Variants in SLC35F3 observed in about 807,000 individuals in gnomAD.
SLC35F3 encodes solute carrier family 35 member F3, also known as putative thiamine transporter SLC35F3.
A neutral mutation model predicts 49.9 loss-of-function variants in SLC35F3; 25 were observed. The observed-to-expected ratio is 0.50, with a 90% CI of 0.37 to 0.70. The LOEUF is 0.70. Ranked by LOEUF, SLC35F3 falls within the 30% of genes least tolerant of loss-of-function variation. The pLI is 0.00. For synonymous variants in SLC35F3, 275 were observed against 265.4 expected (o/e 1.04, Z -0.35); for missense variants, 525 against 639.8 (o/e 0.82, Z 1.94).
rs1320683669 is a variant in SLC35F3, at chr1:234,323,860, C to T, written c.*617C>T. 6.5e-6 allele frequency: 1 copy of T among 153,962 alleles called. No individual in the cohort carries two copies. The highest frequency in any genetic ancestry group is 1.4e-5 in the Non-Finnish European group (1 of 69,322). 9.5% of individuals were successfully genotyped at this position (153,962 alleles called of 1,614,324 possible). ...CCAGGAAGGACAAGATAAGTCCAAG[C>T]CCCGGCTGGCCTGCTCTCACGTGTC... On this transcript the variant is annotated 3_prime_UTR_variant, in exon 8 of 8. Coordinates refer to ENST00000366618, the MANE Select transcript of SLC35F3 (RefSeq NM_173508.4). This position sits in a 1 kb window ranked among gnomAD's most constrained non-coding sequence, Gnocchi z 4.5.
intron 2 of SLC35F3, among the ~76,000 whole-genome samples, chr1:234,084,580 G>T (rs558724830): frequency 6.6e-6 from 1 of 152,266 alleles, no homozygotes; most frequent in South Asian, 2.1e-4. Flanking sequence ...AAATGTTAGA[G>T]AATATTTAAG....
chr1:234,037,608 G>A (rs1664162695), intron 2 of SLC35F3, among the ~76,000 whole-genome samples: 1 of 152,254 alleles, frequency 6.6e-6, no homozygotes, highest in African/African-American at 2.4e-5. Flanking sequence ...ATGGATAATA[G>A]AACGTCAGGT....
intron 2 of SLC35F3, among the ~76,000 whole-genome samples, chr1:234,111,093 C>T (rs976732420): frequency 1.3e-5 from 2 of 151,874 alleles, no homozygotes; most frequent in African/African-American, 4.8e-5. Context: ...ATAAGGTAAA[C>T]ATTTGTTTTA....
chr1:234,240,736 A>T (rs1037634527), intron 3 of SLC35F3, among the ~76,000 whole-genome samples: 3 of 152,260 alleles, frequency 2.0e-5, no homozygotes, highest in Non-Finnish European at 4.4e-5. Context: ...ACCCCAGGTA[A>T]CTGAGTCTTC....
chr1:234,244,288 C>A (rs1667597900), intron 3 of SLC35F3, among the ~76,000 whole-genome samples: 1 of 152,110 alleles, frequency 6.6e-6, no homozygotes, highest in Non-Finnish European at 1.5e-5. Context: ...TCTTTGAACA[C>A]CACAAGGACA....
intron 2 of SLC35F3, among the ~76,000 whole-genome samples, chr1:234,050,821 G>A (rs1664365821): frequency 6.6e-6 from 1 of 152,196 alleles, no homozygotes; most frequent in Admixed American, 6.5e-5. Flanking sequence ...TGGATAAGGT[G>A]TAAGGAAGGA....
chr1:234,087,077 G>C (rs560776253), intron 2 of SLC35F3, among the ~76,000 whole-genome samples: 1 of 152,338 alleles, frequency 6.6e-6, no homozygotes, highest in East Asian at 1.9e-4. Context: ...GCTTGGCAAA[G>C]ATGTGGATAA....
chr1:234,011,957 C>A (rs151269437), intron 2 of SLC35F3, among the ~76,000 whole-genome samples: 1 of 152,064 alleles, frequency 6.6e-6, no homozygotes, highest in Admixed American at 6.5e-5. Context: ...AGGACCTGCA[C>A]GGGCACCGGT....
At chr1:234,022,649 T>C (rs1333418967) in intron 2 of SLC35F3, among the ~76,000 whole-genome samples, 1 of 152,156 alleles carries the variant, frequency 6.6e-6, no homozygotes, top group African/African-American at 2.4e-5. Flanking sequence ...CAAGTGTTCA[T>C]GTAGGTTCAA....
chr1:233,928,324 C>G lies in SLC35F3; in HGVS notation c.283+22566C>G, dbSNP rs577764064. ...TTTTAGAAGAAATGTGAGCACATCACTGAGTGAGTGAGTCACTGTCTCTCC... is the reference window on the plus strand; with the variant it reads ...TTTTAGAAGAAATGTGAGCACATCAGTGAGTGAGTGAGTCACTGTCTCTCC... On this transcript the variant is annotated intron_variant, in intron 2 of 7. Coordinates refer to ENST00000366618, the MANE Select transcript of SLC35F3 (RefSeq NM_173508.4). Among the ~76,000 whole-genome samples, 6 of 152,276 alleles carry G rather than the reference C, an allele frequency of 3.9e-5. No individual in the cohort carries two copies. In the South Asian group the frequency reaches 1.2e-3, roughly 32 times the overall value.
At chr1:234,312,300 G>A (rs767011626) in intron 4 of SLC35F3, among the ~76,000 whole-genome samples, 6 of 152,144 alleles carry the variant, frequency 3.9e-5, no homozygotes, top group Admixed American at 6.5e-5. Context: ...CAGGAGGGAC[G>A]GGGGAAGGAG....
At position 234,269,539 on chromosome 1, in the gene SLC35F3, A is replaced by G. The variant is rs75613862; in HGVS notation, c.608+37798A>G. On this transcript the variant is annotated intron_variant, in intron 3 of 7. Coordinates refer to ENST00000366618, the MANE Select transcript of SLC35F3 (RefSeq NM_173508.4). ...GGCATGCATGCTGCCCTCCCTTTAC[A>G]TTCCCAAAACTGGCACCCCTTGGTG... is the stretch of plus-strand genomic sequence containing the variant. Among the ~76,000 whole-genome samples, 406 of 150,638 alleles carry G rather than the reference A, an allele frequency of 2.7e-3. 13 individuals are homozygous for G. The East Asian group carries it at 0.064, about 24-fold the overall frequency.
chr1:233,909,782 G>A (rs1252436102), intron 2 of SLC35F3, among the ~76,000 whole-genome samples: 1 of 152,204 alleles, frequency 6.6e-6, no homozygotes, highest in African/African-American at 2.4e-5. Flanking sequence ...CCCCTAAGTT[G>A]TAGCAACTCA....
rs543569357 is a variant in SLC35F3, at chr1:234,190,716, C to T, written c.284-40701C>T. ...TAAACTATACCCTAGAACAACTTGACTTAACGGATATTTTACAGAATATTC... is the reference window on the plus strand; with the variant it reads ...TAAACTATACCCTAGAACAACTTGATTTAACGGATATTTTACAGAATATTC... On this transcript the variant is annotated intron_variant, in intron 2 of 7. Transcript: ENST00000366618. Among the ~76,000 whole-genome samples, 62 of 152,320 alleles carry T rather than the reference C, an allele frequency of 4.1e-4. No homozygotes were observed. In the South Asian group the frequency reaches 9.5e-3, roughly 23 times the overall value.
In SLC35F3 at chr1:234,284,149, C is replaced by T. The variant is rs536555074; in HGVS notation, c.609-24952C>T. ...TGAACTCCCGGGCTCAAGCAATCCTCCCACCTTGGCCTCCCAAAGTGTTGG... is the reference window on the plus strand; with the variant it reads ...TGAACTCCCGGGCTCAAGCAATCCTTCCACCTTGGCCTCCCAAAGTGTTGG... On this transcript the variant is annotated intron_variant, in intron 3 of 7. Coordinates refer to ENST00000366618, the MANE Select transcript of SLC35F3 (RefSeq NM_173508.4). Among the ~76,000 whole-genome samples the T allele has an allele frequency of 3.9e-5, 6 of 152,324 alleles. No homozygotes were observed. In the South Asian group the frequency reaches 1.2e-3, roughly 32 times the overall value.
At chr1:234,142,195 A>G (rs915901173) in intron 2 of SLC35F3, among the ~76,000 whole-genome samples, 1 of 152,236 alleles carries the variant, frequency 6.6e-6, no homozygotes, top group East Asian at 1.9e-4. Flanking sequence ...ATGACATCGC[A>G]CTTAACACTT....
chr1:234,037,655 G>A (rs773076702), intron 2 of SLC35F3, among the ~76,000 whole-genome samples: 1 of 152,190 alleles, frequency 6.6e-6, no homozygotes, highest in African/African-American at 2.4e-5. Context: ...GTAGCCATGC[G>A]AGAGCATGCT....
In SLC35F3 at chr1:234,308,028, C is replaced by T. The variant is rs180904492; in HGVS notation, c.609-1073C>T. Among the ~76,000 whole-genome samples the T allele has an allele frequency of 3.6e-4, 55 of 152,246 alleles. No homozygotes were observed. In the East Asian group the frequency reaches 4.2e-3, roughly 12 times the overall value. On this transcript the variant is annotated intron_variant, in intron 3 of 7. Transcript: ENST00000366618. Reference sequence around the variant, plus strand: ...TTTTTGAACTATCTGTGATCCTTCCCCCTAGACTCTAGAACGGCATCAAAA... The same window carrying T: ...TTTTTGAACTATCTGTGATCCTTCCTCCTAGACTCTAGAACGGCATCAAAA...
At chr1:234,290,020 GCACTC>G in intron 3 of SLC35F3, among the ~76,000 whole-genome samples, 1 of 152,258 alleles carries the variant, frequency 6.6e-6, no homozygotes, top group Middle Eastern at 3.4e-3. Context: ...GAAACTATAA[GCACTC>G]CAGAAGGAAA....
Sources: allele counts gnomAD v4.1 joint callset (sites outside exome capture counted in the v4.1 genomes callset), GRCh38; gene constraint gnomAD v4.1.1; non-coding constraint Gnocchi (gnomAD v3.1); transcripts MANE v1.5; gene names NCBI Gene and HGNC (gene_info 2026-07-23, HGNC 2026-07-21).